SH3GL2: variants seen among roughly 807,000 people sequenced by gnomAD.
SH3GL2 encodes the protein endophilin-A1.
Under a neutral mutation model 46.0 loss-of-function variants are expected in SH3GL2, and 24 were observed. The ratio of observed to expected loss-of-function variants is 0.52; its 90% CI spans 0.38 to 0.73. The LOEUF (loss-of-function observed/expected upper bound fraction) is 0.73. SH3GL2 is among the 30% of genes least tolerant of loss of function. The pLI, the probability that SH3GL2 is intolerant of heterozygous loss-of-function variation, is 0.00. For missense variants in SH3GL2, 413 were observed against 424.2 expected (o/e 0.97, Z 0.23); for synonymous variants, 196 against 147.1 (o/e 1.33, Z -2.40).
intron 1 of SH3GL2, among the ~76,000 whole-genome samples, chr9:17,653,188 G>C (rs984107026): frequency 6.6e-6 from 1 of 151,848 alleles, no homozygotes; most frequent in African/African-American, 2.4e-5. Flanking sequence ...TCACTGTCTT[G>C]TTTTCTGTCT....
chr9:17,703,558 A>G (rs10810833), intron 1 of SH3GL2, among the ~76,000 whole-genome samples: 31,267 of 151,928 alleles, frequency 0.21, 3,987 homozygotes, highest in East Asian at 0.4. Context: ...TCCTCAGGAA[A>G]ATACTAGCAA....
At chr9:17,603,423 C>G (rs547490868) in intron 1 of SH3GL2, among the ~76,000 whole-genome samples, 1 of 152,152 alleles carries the variant, frequency 6.6e-6, no homozygotes, top group South Asian at 2.1e-4. Context: ...TTATAAGGTA[C>G]CTAGAGTAGT....
At chr9:17,772,891 C>G (rs1037263927) in intron 3 of SH3GL2, among the ~76,000 whole-genome samples, 1 of 152,096 alleles carries the variant, frequency 6.6e-6, no homozygotes, top group Non-Finnish European at 1.5e-5. Context: ...TAAGGGAATT[C>G]TATTTTTTAT....
chr9:17,591,195 A>G (rs992587457), intron 1 of SH3GL2: 2 of 152,242 alleles, frequency 1.3e-5, no homozygotes, highest in Non-Finnish European at 2.9e-5. Context: ...AAAGCTTATC[A>G]TAAAATCTCT....
At chr9:17,720,346 A>G (rs1463125582) in intron 1 of SH3GL2, among the ~76,000 whole-genome samples, 1 of 152,154 alleles carries the variant, frequency 6.6e-6, no homozygotes, top group East Asian at 1.9e-4. Context: ...TCGACTGAGC[A>G]AAGAATGATT....
At chr9:17,778,970 T>C (rs1020554224) in intron 3 of SH3GL2, among the ~76,000 whole-genome samples, 3 of 152,092 alleles carry the variant, frequency 2.0e-5, no homozygotes, top group African/African-American at 7.2e-5. Context: ...TTGAGAGGCC[T>C]ACACATCCTA....
intron 2 of SH3GL2, among the ~76,000 whole-genome samples, chr9:17,752,835 T>A (rs1173139532): frequency 1.3e-5 from 2 of 152,136 alleles, no homozygotes; most frequent in Admixed American, 6.5e-5. Flanking sequence ...TCATTAGTTA[T>A]TTTTCCCGAT....
intron 1 of SH3GL2, among the ~76,000 whole-genome samples, chr9:17,683,213 C>T (rs1333850675): frequency 6.6e-6 from 1 of 152,072 alleles, no homozygotes; most frequent in African/African-American, 2.4e-5. Context: ...GGACCTGCAG[C>T]TGCAAGGAGA....
At chr9:17,741,427 A>G (rs1381780194) in intron 1 of SH3GL2, among the ~76,000 whole-genome samples, 1 of 152,214 alleles carries the variant, frequency 6.6e-6, no homozygotes, top group Non-Finnish European at 1.5e-5. Flanking sequence ...TGTATAGTGG[A>G]TGAATGCAGA....
In SH3GL2 at chr9:17,745,967, G is replaced by A. The variant is rs76559528; in HGVS notation, c.46-1099G>A. On this transcript the variant is annotated intron_variant, in intron 1 of 8. Coordinates refer to ENST00000380607, the MANE Select transcript of SH3GL2 (RefSeq NM_003026.5). The stretch of plus-strand genomic sequence containing the variant: ...TTTTAAAGGGAATGAAAAGGTCTTC[G>A]TGCCATTAACATTTAGTATTTGTGT... Among the ~76,000 whole-genome samples, 155 of 152,326 alleles carry A rather than the reference G, an allele frequency of 1.0e-3. No individual in the cohort carries two copies. In the East Asian group the frequency reaches 0.022, roughly 21 times the overall value.
chr9:17,594,003 T>C (rs1390018204), intron 1 of SH3GL2, among the ~76,000 whole-genome samples: 1 of 152,188 alleles, frequency 6.6e-6, no homozygotes, highest in Non-Finnish European at 1.5e-5. Flanking sequence ...GATTTTAGGT[T>C]CTGACGTTCT....
intron 1 of SH3GL2, among the ~76,000 whole-genome samples, chr9:17,601,253 A>G (rs1309904624): frequency 6.6e-6 from 1 of 151,466 alleles, no homozygotes; most frequent in Non-Finnish European, 1.5e-5. Flanking sequence ...TTTTTTTGGA[A>G]TCAATTTTTT....
At chr9:17,586,846 A>G (rs1416940111) in intron 1 of SH3GL2, among the ~76,000 whole-genome samples, 2 of 152,238 alleles carry the variant, frequency 1.3e-5, no homozygotes, top group Non-Finnish European at 2.9e-5. Context: ...GGGTGGGGAC[A>G]CAGCCAAACC....
chr9:17,790,481 A>T (rs192009498), intron 6 of SH3GL2: 1 of 908,438 alleles, frequency 1.1e-6, no homozygotes. Flanking sequence ...GTTTTTGTTT[A>T]TGTAAAACAA....
At chr9:17,757,249 C>G (rs763490918) in intron 2 of SH3GL2, among the ~76,000 whole-genome samples, 15 of 152,152 alleles carry the variant, frequency 9.9e-5, no homozygotes, top group Admixed American at 3.9e-4. Context: ...ATGGGCAAGG[C>G]ATTAGACTTC....
intron 1 of SH3GL2, among the ~76,000 whole-genome samples, chr9:17,684,300 A>G (rs887676909): frequency 3.9e-5 from 6 of 152,230 alleles, no homozygotes; most frequent in African/African-American, 1.4e-4. Context: ...ACAGAGATGA[A>G]CGATGCTTTT....
intron 1 of SH3GL2, among the ~76,000 whole-genome samples, chr9:17,713,227 TA>T (rs1000238827): frequency 9.9e-5 from 15 of 151,648 alleles, no homozygotes; most frequent in Non-Finnish European, 1.0e-4. Context: ...CTTATCCCTC[TA>T]AAATTTGTAG....
intron 6 of SH3GL2, chr9:17,789,910 C>G (rs137944473): frequency 1.4e-3 from 443 of 308,548 alleles, no homozygotes; most frequent in African/African-American, 9.3e-3. Flanking sequence ...TTCTACTGAG[C>G]ACATATCAAT....
intron 1 of SH3GL2, among the ~76,000 whole-genome samples, chr9:17,596,505 C>T (rs1001738099): frequency 3.9e-5 from 6 of 152,114 alleles, no homozygotes; most frequent in African/African-American, 1.4e-4. Flanking sequence ...CATTCTCCAG[C>T]CCTTAGGCCA....
Sources: allele counts gnomAD v4.1 joint callset (sites outside exome capture counted in the v4.1 genomes callset), GRCh38; gene constraint gnomAD v4.1.1; transcripts MANE v1.5; gene names NCBI Gene and HGNC (gene_info 2026-07-23, HGNC 2026-07-21).